The following SERINC5 variants were observed in gnomAD, a reference collection of about 807,000 sequenced individuals.
SERINC5 encodes the protein chromosome 5 open reading frame 12.
Under a neutral mutation model 63.1 loss-of-function variants are expected in SERINC5, and 41 were observed. That is an observed-to-expected ratio of 0.65 (90% CI 0.51 to 0.84). The LOEUF is 0.84. Among genes scored for constraint, SERINC5 ranks in the 40% least tolerant of loss-of-function variants. The pLI, the probability that SERINC5 is intolerant of heterozygous loss-of-function variation, is 0.00. For synonymous variants in SERINC5, 222 were observed against 215.2 expected (o/e 1.03, Z -0.28); for missense variants, 523 against 573.0 (o/e 0.91, Z 0.89).
chr5:80,216,708 T>TA (rs1265810506), intron 1 of SERINC5, among the ~76,000 whole-genome samples: 2 of 108,770 alleles, frequency 1.8e-5, no homozygotes, highest in Admixed American at 2.0e-4. Context: ...GTTTTAAATA[T>TA]TTTTTTTTAA....
intron 1 of SERINC5, among the ~76,000 whole-genome samples, chr5:80,239,547 A>G (rs528308558): frequency 6.6e-6 from 1 of 151,860 alleles, no homozygotes; most frequent in Admixed American, 6.6e-5. Flanking sequence ...TCTCACAGAC[A>G]AGCATGAAAA....
At chr5:80,167,312 T>C (rs764106310) in intron 6 of SERINC5, 1 of 152,164 alleles carries the variant, frequency 6.6e-6, no homozygotes, top group Non-Finnish European at 1.5e-5. Flanking sequence ...TAGCTCCCAC[T>C]TTTAAGCAAG....
Position 80,140,280 on chromosome 5 carries a change from G to A in SERINC5, c.*3383C>T, listed in dbSNP as rs929415578. 30 of 927,358 alleles carry A rather than the reference G, an allele frequency of 3.2e-5. No individual in the cohort carries two copies. Among genetic ancestry groups the A allele is most frequent in the African/African-American group, 6.4e-5 (3 of 46,892 alleles). 57.4% of individuals were successfully genotyped at this position (927,358 alleles called of 1,614,324 possible). On this transcript the variant is annotated 3_prime_UTR_variant, in exon 12 of 12. Transcript: ENST00000507668. ...CAAGATCATGTCACTGCACTCCAGC[G>A]TGGCTGACAGAGTGAGCCCGTCTCC... is the stretch of plus-strand genomic sequence containing the variant.
chr5:80,113,314 T>G (rs529380682), intron 12 of SERINC5, among the ~76,000 whole-genome samples: 1 of 152,302 alleles, frequency 6.6e-6, no homozygotes, highest in Non-Finnish European at 1.5e-5. Context: ...TCTTTTATTT[T>G]TTCCCAATTT....
At chr5:80,114,480 C>T in intron 11 of SERINC5, 1 of 188,070 alleles carries the variant, frequency 5.3e-6, no homozygotes. Context: ...ATGGTAAAAC[C>T]CCATCACCAC....
intron 1 of SERINC5, among the ~76,000 whole-genome samples, chr5:80,232,420 A>T (rs1751491303): frequency 6.6e-6 from 1 of 151,628 alleles, no homozygotes; most frequent in African/African-American, 2.4e-5. Context: ...AAAAAAAAAA[A>T]AAGTGGAAAC....
chr5:80,132,887 A>C (rs1381183267), intron 11 of SERINC5, among the ~76,000 whole-genome samples: 1 of 152,232 alleles, frequency 6.6e-6, no homozygotes, highest in Non-Finnish European at 1.5e-5. Context: ...TTTGGGACCA[A>C]GTAACACATA....
chr5:80,186,893 C>T (rs747047724), intron 2 of SERINC5, among the ~76,000 whole-genome samples: 12 of 152,010 alleles, frequency 7.9e-5, no homozygotes, highest in African/African-American at 1.4e-4. Context: ...CGGTGGCTCA[C>T]GTATGTAATC....
intron 5 of SERINC5, among the ~76,000 whole-genome samples, chr5:80,174,717 G>A (rs144311357): frequency 9.2e-5 from 14 of 152,198 alleles, no homozygotes; most frequent in African/African-American, 3.1e-4. Flanking sequence ...GTACGAGCAG[G>A]GGATTGAGTG....
At chr5:80,116,825 G>A (rs1229430837) in intron 11 of SERINC5, among the ~76,000 whole-genome samples, 1 of 151,456 alleles carries the variant, frequency 6.6e-6, no homozygotes, top group East Asian at 1.9e-4. Context: ...ACCAGAAACT[G>A]GAGAGCTCTT....
At chr5:80,204,245 T>C (rs1010810614) in intron 1 of SERINC5, among the ~76,000 whole-genome samples, 8 of 152,196 alleles carry the variant, frequency 5.3e-5, no homozygotes, top group Admixed American at 5.2e-4. Context: ...CCCTGATTCA[T>C]AGCTGGTCAG....
At chr5:80,162,075 T>C (rs984132548) in intron 7 of SERINC5, among the ~76,000 whole-genome samples, 5 of 152,226 alleles carry the variant, frequency 3.3e-5, no homozygotes, top group African/African-American at 1.2e-4. Context: ...TCTATTCTTA[T>C]ACAAATATCA....
At chr5:80,171,576 T>A (rs1747659199) in intron 5 of SERINC5, among the ~76,000 whole-genome samples, 2 of 152,130 alleles carry the variant, frequency 1.3e-5, no homozygotes, top group African/African-American at 4.8e-5. Context: ...ATCAACTGTA[T>A]GGTAGGGTGA....
At chr5:80,217,746 G>C (rs1750732576) in intron 1 of SERINC5, among the ~76,000 whole-genome samples, 1 of 152,142 alleles carries the variant, frequency 6.6e-6, no homozygotes, top group Non-Finnish European at 1.5e-5. Context: ...CATTTTAGTG[G>C]ATTTTTTAAT....
Position 80,203,860 on chromosome 5 carries a change from CCA to C in SERINC5, c.28-809_28-808del, listed in dbSNP as rs752402879. Among the ~76,000 whole-genome samples, 121 of 152,276 alleles carry C rather than the reference CCA, an allele frequency of 7.9e-4. No individual in the cohort carries two copies. In the Middle Eastern group the frequency reaches 0.014, roughly 17 times the overall value. ...GAAGGCTGGCTATCAGTGGAACCAA[CCA>C]TGTGGTTTAGAGGGTCGGAACTTTC... On this transcript the variant is annotated intron_variant, in intron 1 of 11. Coordinates refer to ENST00000507668, the MANE Select transcript of SERINC5 (RefSeq NM_001174072.3).
Position 80,255,953 on chromosome 5 carries a change from T to G in SERINC5, c.-31A>C. Reference sequence around the variant, plus strand: ...CGGCCAATGCCGAAGGCGCGCTCGCTGGCTCCCCGCGCCGCACGGGCCCTC... The same window carrying G: ...CGGCCAATGCCGAAGGCGCGCTCGCGGGCTCCCCGCGCCGCACGGGCCCTC... On this transcript the variant is annotated 5_prime_UTR_variant, in exon 1 of 12. Transcript: ENST00000507668. 2 of 1,523,624 alleles carry G rather than the reference T, an allele frequency of 1.3e-6. No individual in the cohort carries two copies. Among genetic ancestry groups the G allele is most frequent in the Middle Eastern group, 2.1e-4 (1 of 4,700 alleles). The allele number at this position is 1,523,624 out of a possible 1,614,324, so 94.4% of individuals were successfully genotyped here.
chr5:80,155,000 C>T (rs753369234), intron 8 of SERINC5, among the ~76,000 whole-genome samples: 1 of 152,072 alleles, frequency 6.6e-6, no homozygotes, highest in Non-Finnish European at 1.5e-5. Context: ...TAAATACTCC[C>T]GAAAAGGAGC....
In SERINC5 at chr5:80,169,455, A is replaced by G. The variant is rs1392655191; in HGVS notation, c.643T>C (p.Leu215=). The G allele has an allele frequency of 3.7e-6, 6 of 1,613,868 alleles. No homozygotes were observed. The highest frequency in any genetic ancestry group is 8.5e-7 in the Non-Finnish European group (1 of 1,179,868). The change falls in exon 6 of 12, where the codon TTG becomes CTG. Residue 215 remains leucine, a synonymous_variant. Coordinates refer to ENST00000507668, the MANE Select transcript of SERINC5 (RefSeq NM_001174072.3). ...TTCTGTGTATAAAACACTGCCATCA[A>G]AACCAAGCCTCCAGTGGCAATGGAA... ...MYSIATGGLV[L]MAVFYTQKDS...
At chr5:80,180,608 G>A (rs1055048068) in intron 2 of SERINC5, among the ~76,000 whole-genome samples, 37 of 152,106 alleles carry the variant, frequency 2.4e-4, no homozygotes, top group Admixed American at 2.0e-4. Context: ...GAGGTTGCTC[G>A]GTATTTACCC....
Sources: allele counts gnomAD v4.1 joint callset (sites outside exome capture counted in the v4.1 genomes callset), GRCh38; gene constraint gnomAD v4.1.1; transcripts MANE v1.5; gene names NCBI Gene and HGNC (gene_info 2026-07-23, HGNC 2026-07-21).